The following OTOA variants were observed in gnomAD, a reference collection of about 807,000 sequenced individuals.
OTOA encodes the protein cancer/testis antigen 108.
A neutral mutation model predicts 110.8 loss-of-function variants in OTOA; 70 were observed. The observed-to-expected ratio is 0.63, with a 90% CI of 0.52 to 0.77. The LOEUF (loss-of-function observed/expected upper bound fraction) is 0.77. OTOA is among the 30% of genes least tolerant of loss of function. The probability of loss-of-function intolerance (pLI) is 0.00; values close to 1 mark genes in which losing one functional copy is unlikely to be tolerated. For missense variants in OTOA, 917 were observed against 1,075.8 expected, an observed-to-expected ratio of 0.85 and a Z score of 2.06; for synonymous variants, 373 against 431.5, an observed-to-expected ratio of 0.86 and a Z score of 1.68.
At chr16:21,752,954 G>C in intron 26 of OTOA, 73 bp from the exon 27 acceptor site, 1 of 1,216,214 alleles carries the variant, frequency 8.2e-7, no homozygotes, top group Non-Finnish European at 1.2e-6. Flanking sequence ...TGAACATTAT[G>C]CAGCACCATT....
chr16:21,732,859 C>T lies in OTOA; in HGVS notation c.2301+1929C>T, dbSNP rs867878837. ...AGGAAGGCAAAGAGTGAAGGAGGGA[C>T]TTATTATTTATATTGTGATGTTTTA... On this transcript the variant is annotated intron_variant, in intron 21 of 28. Coordinates refer to ENST00000646100, the MANE Select transcript of OTOA (RefSeq NM_144672.4). Among the ~76,000 whole-genome samples the T allele has an allele frequency of 1.8e-4, 25 of 141,974 alleles. 1 individual carries two copies. The highest frequency in any genetic ancestry group is 3.5e-4 in the Non-Finnish European group (23 of 65,198). 93.1% of individuals were successfully genotyped at this position (141,974 alleles called of 152,430 possible). A position where few individuals can be genotyped will look rare whatever the true frequency, so the allele number is the denominator to read the frequency against.
At chr16:21,714,658 C>A (rs1898493924) in intron 13 of OTOA, among the ~76,000 whole-genome samples, 1 of 151,950 alleles carries the variant, frequency 6.6e-6, no homozygotes, top group African/African-American at 2.4e-5. Context: ...ATTACAGGAA[C>A]CTGCTACCAT....
chr16:21,696,985 T>A (rs1201135684), intron 9 of OTOA, among the ~76,000 whole-genome samples: 3 of 134,002 alleles, frequency 2.2e-5, no homozygotes, highest in Non-Finnish European at 4.9e-5. Flanking sequence ...AAATTCCTGG[T>A]TTCAAGCAAT....
Position 21,678,586 on chromosome 16 carries a change from A to G in OTOA, c.72A>G (p.Thr24=). 4 of 1,613,966 alleles carry G rather than the reference A, an allele frequency of 2.5e-6. No homozygotes were observed. Among genetic ancestry groups the G allele is most frequent in the South Asian group, 2.2e-5 (2 of 91,080 alleles). The change falls in exon 2 of 29, where the codon ACA becomes ACG. Residue 24 remains threonine (T), a synonymous_variant. Transcript: ENST00000646100. The stretch of plus-strand genomic sequence containing the variant: ...TGAGCCATGGAGTGTCGAGTTATAC[A>G]GTGCCAAATTCCAGGCAGGGTAAGT... The part of the protein sequence containing the change: ...LFLSHGVSSY[T]VPNSRQDLHP...
chr16:21,695,131 C>A (rs528825460), intron 9 of OTOA, among the ~76,000 whole-genome samples: 1 of 151,868 alleles, frequency 6.6e-6, no homozygotes, highest in Admixed American at 6.6e-5. Context: ...CAGGTGTGGT[C>A]GCTTACACCT....
Position 21,687,599 on chromosome 16 carries a change from A to G in OTOA, c.586A>G (p.Ile196Val). ...CTCAGGGAGCTTTCTCCAGCCAGAC[A>G]TCACAGAGCGGCTCCCTCGGGACCT... ...GSSGSFLQPD[I>V]TERLPRDLRE... The change falls in exon 8 of 29, where the codon ATC becomes GTC. Residue 196 changes from isoleucine (I) to valine (V), a missense_variant. Ile to Val is a conservative substitution (Grantham distance 29). Transcript: ENST00000646100. The G allele has an allele frequency of 6.2e-7, 1 of 1,613,380 alleles. No individual in the cohort carries two copies. Among genetic ancestry groups the G allele is most frequent in the Admixed American group, 1.7e-5 (1 of 59,962 alleles).
chr16:21,757,548 A>T (rs1382205903), intron 28 of OTOA, among the ~76,000 whole-genome samples: 3 of 152,370 alleles, frequency 2.0e-5, no homozygotes, highest in African/African-American at 7.2e-5. Context: ...AACATCAGAA[A>T]CTCAGGACTA....
intron 1 of OTOA, among the ~76,000 whole-genome samples, chr16:21,665,170 G>A (rs1966837332): frequency 6.6e-6 from 1 of 152,050 alleles, no homozygotes; most frequent in Non-Finnish European, 1.5e-5. Flanking sequence ...CTTATCCCTG[G>A]GGTGGCACCT....
chr16:21,692,198 G>A (rs186478691), intron 9 of OTOA, among the ~76,000 whole-genome samples: 1 of 152,058 alleles, frequency 6.6e-6, no homozygotes, highest in Non-Finnish European at 1.5e-5. Context: ...GTGGTGGCGG[G>A]CACCTGTAAT....
chr16:21,759,185 C>T (rs1192594634), intron 28 of OTOA, among the ~76,000 whole-genome samples: 1 of 152,008 alleles, frequency 6.6e-6, no homozygotes, highest in Non-Finnish European at 1.5e-5. Flanking sequence ...CAGCCCCTGT[C>T]CCCCAGCCAC....
At chr16:21,700,557 T>A (rs935226721) in intron 10 of OTOA, among the ~76,000 whole-genome samples, 1 of 151,656 alleles carries the variant, frequency 6.6e-6, no homozygotes, top group Non-Finnish European at 1.5e-5. Flanking sequence ...AATCCCCATA[T>A]CTACTAAAAA....
At chr16:21,738,449 G>GT (rs1206636111) in intron 22 of OTOA, among the ~76,000 whole-genome samples, 56 of 99,800 alleles carry the variant, frequency 5.6e-4, no homozygotes, top group South Asian at 1.8e-3. Context: ...TTGTTCTCCC[G>GT]TTTTTTTTTT....
chr16:21,728,144 C>T, intron 19 of OTOA, 97 bp from the exon 20 acceptor site: 3 of 1,472,786 alleles, frequency 2.0e-6, no homozygotes, highest in Non-Finnish European at 1.9e-6. Context: ...GGATTATAGG[C>T]ATAAGCCACA....
chr16:21,731,942 T>C (rs1175019614), intron 21 of OTOA, among the ~76,000 whole-genome samples: 1 of 152,174 alleles, frequency 6.6e-6, no homozygotes, highest in African/African-American at 2.4e-5. Flanking sequence ...AAGCAGTTGA[T>C]GCACACATGT....
chr16:21,679,157 T>A, intron 4 of OTOA, 27 bp from the exon 5 acceptor site: 5 of 1,613,846 alleles, frequency 3.1e-6, no homozygotes, highest in Non-Finnish European at 4.2e-6. Context: ...CTTTTAAAGA[T>A]GTCTTTTCAT....
chr16:21,681,096 C>T (rs762852456), intron 5 of OTOA, among the ~76,000 whole-genome samples: 2 of 152,180 alleles, frequency 1.3e-5, no homozygotes, highest in Non-Finnish European at 2.9e-5. Context: ...ATTCCAGCCT[C>T]TCATGGTGTA....
intron 10 of OTOA, among the ~76,000 whole-genome samples, chr16:21,700,651 G>C (rs890943502): frequency 6.7e-6 from 1 of 150,300 alleles, no homozygotes; most frequent in Admixed American, 6.7e-5. Flanking sequence ...CTTGAACTCA[G>C]GAGGTGGAGG....
intron 15 of OTOA, among the ~76,000 whole-genome samples, chr16:21,718,703 G>C (rs1005238616): frequency 1.6e-4 from 24 of 152,142 alleles, no homozygotes; most frequent in African/African-American, 5.8e-4. Context: ...CATGCTGCTA[G>C]CTGCAGGTAC....
intron 1 of OTOA, among the ~76,000 whole-genome samples, chr16:21,672,766 A>G (rs1966851084): frequency 6.6e-6 from 1 of 152,180 alleles, no homozygotes; most frequent in Non-Finnish European, 1.5e-5. Flanking sequence ...CTTTCTGTTC[A>G]GTATCTTCCT....
Sources: allele counts gnomAD v4.1 joint callset (sites outside exome capture counted in the v4.1 genomes callset), GRCh38; gene constraint gnomAD v4.1.1; transcripts MANE v1.5; gene names NCBI Gene and HGNC (gene_info 2026-07-23, HGNC 2026-07-21).